ICMT: variants seen among roughly 807,000 people sequenced by gnomAD.
ICMT encodes protein-S-isoprenylcysteine O-methyltransferase.
In ICMT, 10 loss-of-function variants were observed where a neutral mutation model predicts 32.2. The ratio of observed to expected loss-of-function variants is 0.31; its 90% CI spans 0.19 to 0.53. ICMT has a LOEUF of 0.53. Among genes scored for constraint, ICMT ranks in the 20% least tolerant of loss-of-function variants. ICMT has a pLI of 0.96. For missense variants in ICMT, 265 were observed against 356.9 expected (o/e 0.74, Z 2.07); for synonymous variants, 183 against 158.2 (o/e 1.16, Z -1.18).
intron 3 of ICMT, among the ~76,000 whole-genome samples, chr1:6,233,035 T>C (rs1244627926): frequency 2.0e-5 from 3 of 151,788 alleles, no homozygotes; most frequent in Admixed American, 6.6e-5. Flanking sequence ...TTTGTATTTT[T>C]AGTAGAGACG....
At chr1:6,225,701 A>C (rs998912701) in intron 4 of ICMT, among the ~76,000 whole-genome samples, 37 of 152,110 alleles carry the variant, frequency 2.4e-4, no homozygotes, top group East Asian at 1.7e-3. Flanking sequence ...CAGTGCCACA[A>C]AACTCAGCTT....
chr1:6,221,944 C>CT lies in ICMT; in HGVS notation c.*3135dup, dbSNP rs1553149958. ...AAACCTGCAATGGAAAAATAAATCT[C>CT]TTGACAGTTTTTTAAATCGAGAAAA... is the stretch of plus-strand genomic sequence containing the variant. On this transcript the variant is annotated 3_prime_UTR_variant, in exon 5 of 5. Transcript: ENST00000343813. 6.6e-6 allele frequency: 1 copy of CT among 152,232 alleles called. No homozygotes were observed. The highest frequency in any genetic ancestry group is 1.5e-5 in the Non-Finnish European group (1 of 68,048). The allele number at this position is 152,232 out of a possible 1,614,324, so 9.4% of individuals were successfully genotyped here.
chr1:6,225,606 C>T (rs1056028282), intron 4 of ICMT, among the ~76,000 whole-genome samples: 7 of 152,162 alleles, frequency 4.6e-5, no homozygotes, highest in Non-Finnish European at 8.8e-5. Flanking sequence ...GCCCAGGACC[C>T]TCCCACCACA....
Position 6,231,981 on chromosome 1 carries a change from G to GT in ICMT, c.592dup (p.Thr198AsnfsTer32), listed in dbSNP as rs1668745229. 1 of 1,614,002 alleles carries GT rather than the reference G, an allele frequency of 6.2e-7. No homozygotes were observed. The highest frequency in any genetic ancestry group is 1.3e-5 in the African/African-American group (1 of 74,930). ...AGCGTACACTCCACTGGTCACCAGAGTATGTGTATCTGATTTTTCATTCTG... is the reference window on the plus strand; with the variant it reads ...AGCGTACACTCCACTGGTCACCAGAGTTATGTGTATCTGATTTTTCATTCTG... On this transcript the variant is annotated frameshift_variant, in exon 4 of 5. Coordinates refer to ENST00000343813, the MANE Select transcript of ICMT (RefSeq NM_012405.4). LOFTEE classifies it high-confidence loss of function.
intron 2 of ICMT, among the ~76,000 whole-genome samples, 200 bp from the exon 3 acceptor site, chr1:6,233,843 C>T (rs1380090401): frequency 6.6e-6 from 1 of 152,002 alleles, no homozygotes; most frequent in Non-Finnish European, 1.5e-5. Flanking sequence ...GTTTTTGTTT[C>T]TGGTGTTTTG....
intron 4 of ICMT, among the ~76,000 whole-genome samples, chr1:6,230,647 T>TG (rs936736883): frequency 3.1e-4 from 47 of 150,030 alleles, no homozygotes; most frequent in Non-Finnish European, 5.5e-4. Context: ...CCCAGCACTT[T>TG]GGGAGGCCGA....
chr1:6,231,196 G>T (rs898449298), intron 4 of ICMT, among the ~76,000 whole-genome samples: 1 of 151,520 alleles, frequency 6.6e-6, no homozygotes, highest in African/African-American at 2.4e-5. Flanking sequence ...AGAAAGAAAA[G>T]AAAAGAAACG....
At chr1:6,225,473 G>C (rs1328151944) in intron 4 of ICMT, among the ~76,000 whole-genome samples, 2 of 152,128 alleles carry the variant, frequency 1.3e-5, no homozygotes, top group Non-Finnish European at 2.9e-5. Flanking sequence ...TCTTACATGA[G>C]AGAGATCTGT....
chr1:6,224,982 A>C lies in ICMT; in HGVS notation c.*98T>G, dbSNP rs1668621881. On this transcript the variant is annotated 3_prime_UTR_variant, in exon 5 of 5. Coordinates refer to ENST00000343813, the MANE Select transcript of ICMT (RefSeq NM_012405.4). ...CCAGAAGAGTGACTAATGACATAAAACGATTAAGAAAATCCATGTGGCAGC... is the reference window on the plus strand; with the variant it reads ...CCAGAAGAGTGACTAATGACATAAACCGATTAAGAAAATCCATGTGGCAGC... The C allele has an allele frequency of 9.1e-7, 1 of 1,093,562 alleles. No homozygotes were observed. The allele number at this position is 1,093,562 out of a possible 1,614,324, so 67.7% of individuals were successfully genotyped here. A position where few individuals can be genotyped will look rare whatever the true frequency, so the allele number is the denominator to read the frequency against.
At chr1:6,235,024 G>T in intron 1 of ICMT, 50 bp from the exon 2 acceptor site, 1 of 1,467,328 alleles carries the variant, frequency 6.8e-7, no homozygotes, top group Non-Finnish European at 9.5e-7. Context: ...TCAGAGTACA[G>T]ATCTGGGCTG....
At chr1:6,232,770 A>G (rs1409063035) in intron 3 of ICMT, among the ~76,000 whole-genome samples, 6 of 151,380 alleles carry the variant, frequency 4.0e-5, no homozygotes, top group Non-Finnish European at 8.8e-5. Context: ...CTGGTTTCAA[A>G]CTCCTGACCT....
intron 1 of ICMT, 51 bp downstream of exon 1, chr1:6,235,666 G>GCGGACCGCCGCC: frequency 9.0e-7 from 1 of 1,112,464 alleles, no homozygotes; most frequent in Non-Finnish European, 1.1e-6. Flanking sequence ...GCCGCGCCAA[G>GCGGACCGCCGCC]CGGACCGCCG....
rs1010414677 is a variant in ICMT, at chr1:6,223,870, C to T, written c.*1210G>A. The T allele has an allele frequency of 3.3e-5, 5 of 152,218 alleles. No homozygotes were observed. The highest frequency in any genetic ancestry group is 5.9e-5 in the Non-Finnish European group (4 of 68,048). The allele number at this position is 152,218 out of a possible 1,614,324, so 9.4% of individuals were successfully genotyped here. Reference sequence around the variant, plus strand: ...TGCATGGCAGGATCTCACGCTGAGGCCAAGTTCCTGTCTAGTCCAGAATGA... The same window carrying T: ...TGCATGGCAGGATCTCACGCTGAGGTCAAGTTCCTGTCTAGTCCAGAATGA... On this transcript the variant is annotated 3_prime_UTR_variant, in exon 5 of 5. Transcript: ENST00000343813.
rs1412611812 is a variant in ICMT, at chr1:6,224,173, G to A, written c.*907C>T. 1 of 152,210 alleles carries A rather than the reference G, an allele frequency of 6.6e-6. No homozygotes were observed. The highest frequency in any genetic ancestry group is 1.5e-5 in the Non-Finnish European group (1 of 68,040). The allele number at this position is 152,210 out of a possible 1,614,324, so 9.4% of individuals were successfully genotyped here. On this transcript the variant is annotated 3_prime_UTR_variant, in exon 5 of 5. Coordinates refer to ENST00000343813, the MANE Select transcript of ICMT (RefSeq NM_012405.4). ...ATTGAAATTGAGAATATAAGCTATG[G>A]TAAAATGAGAATCAAATCCCAAATA...
chr1:6,233,363 G>A (rs1411661847), intron 3 of ICMT, 111 bp downstream of exon 3: 5 of 970,652 alleles, frequency 5.2e-6, no homozygotes, highest in Middle Eastern at 2.8e-4. Flanking sequence ...AGAGGTCTGC[G>A]GAAAATCGCT....
In ICMT at chr1:6,221,558, G is replaced by A. The variant is rs1226409375; in HGVS notation, c.*3522C>T. ...CAGTGAAGGGACAGTGGTGTGCTGT[G>A]CGTATCGTGGGGGTACTCCTAAGCA... On this transcript the variant is annotated 3_prime_UTR_variant, in exon 5 of 5. Transcript: ENST00000343813. 2 of 152,694 alleles carry A rather than the reference G, an allele frequency of 1.3e-5. No individual in the cohort carries two copies. Among genetic ancestry groups the A allele is most frequent in the African/African-American group, 4.8e-5 (2 of 41,458 alleles). The allele number at this position is 152,694 out of a possible 1,614,324, so 9.5% of individuals were successfully genotyped here.
intron 4 of ICMT, among the ~76,000 whole-genome samples, chr1:6,226,335 G>A (rs1281848953): frequency 6.6e-6 from 1 of 152,142 alleles, no homozygotes; most frequent in African/African-American, 2.4e-5. Context: ...GGCAGAGGTT[G>A]CAGTGAGCTG....
In ICMT at chr1:6,231,868, A is replaced by AG. The variant is rs771032971; in HGVS notation, c.672+33_672+34insC. ...GTTTAAAATGTTACTTAAAAAAAAA[A>AG]AAAAGAAAAGCAGTGTCATATTTAA... On this transcript the variant is annotated intron_variant, in intron 4 of 4. Transcript: ENST00000343813. The AG allele has an allele frequency of 3.7e-6, 5 of 1,361,272 alleles. No homozygotes were observed. In the African/African-American group the frequency reaches 4.4e-5, roughly 12 times the overall value. The allele number at this position is 1,361,272 out of a possible 1,614,324, so 84.3% of individuals were successfully genotyped here.
rs943349588 is a variant in ICMT at position 6,223,618 on chromosome 1, T to C, written c.*1462A>G. The C allele has an allele frequency of 2.0e-5, 3 of 152,260 alleles. No homozygotes were observed. The highest frequency in any genetic ancestry group is 7.2e-5 in the African/African-American group (3 of 41,470). 9.4% of individuals were successfully genotyped at this position (152,260 alleles called of 1,614,324 possible). A position where few individuals can be genotyped will look rare whatever the true frequency, so the allele number is the denominator to read the frequency against. The stretch of plus-strand genomic sequence containing the variant: ...TTTCATACAGTACAGATTTCATTGA[T>C]GTCGCTCCCACATCTGAGTATTAAA... On this transcript the variant is annotated 3_prime_UTR_variant, in exon 5 of 5. Coordinates refer to ENST00000343813, the MANE Select transcript of ICMT (RefSeq NM_012405.4).
Sources: allele counts gnomAD v4.1 joint callset (sites outside exome capture counted in the v4.1 genomes callset), GRCh38; gene constraint gnomAD v4.1.1; transcripts MANE v1.5; gene names NCBI Gene and HGNC (gene_info 2026-07-23, HGNC 2026-07-21).